Variants in NBEA observed in about 807,000 individuals in gnomAD.
NBEA encodes neurobeachin.
In NBEA, 44 loss-of-function variants were observed where a neutral mutation model predicts 343.4. The ratio of observed to expected loss-of-function variants is 0.13; its 90% CI spans 0.10 to 0.16. NBEA has a LOEUF of 0.16. Ranked by LOEUF, NBEA falls within the 10% of genes least tolerant of loss-of-function variation. The pLI is 1.00. For synonymous variants in NBEA, 1,175 were observed against 1,238.7 expected, an observed-to-expected ratio of 0.95 and a Z score of 1.08; for missense variants, 2,555 against 3,631.3, an observed-to-expected ratio of 0.70 and a Z score of 7.62.
Position 35,238,705 on chromosome 13 carries a change from C to T in NBEA, c.5776+6086C>T, listed in dbSNP as rs190173296. ...GGCTCTCCCTTTTAGGCTCTATATA[C>T]AAGTTGAAACATTTTAGAAAGAGAT... On this transcript the variant is annotated intron_variant, in intron 34 of 58. Coordinates refer to ENST00000379939, the MANE Select transcript of NBEA (RefSeq NM_001385012.1). Among the ~76,000 whole-genome samples, 230 of 152,180 alleles carry T rather than the reference C, an allele frequency of 1.5e-3. 1 individual carries two copies. The highest frequency in any genetic ancestry group is 5.4e-3 in the African/African-American group (224 of 41,512).
intron 39 of NBEA, among the ~76,000 whole-genome samples, chr13:35,444,472 C>T (rs1251168349): frequency 1.3e-5 from 2 of 151,864 alleles, no homozygotes; most frequent in Non-Finnish European, 2.9e-5. Context: ...TTTTATTCTA[C>T]TAAAAGAGTG....
chr13:35,553,327 C>T (rs976943263), intron 43 of NBEA, among the ~76,000 whole-genome samples: 1 of 152,096 alleles, frequency 6.6e-6, no homozygotes. Flanking sequence ...AAAAGCTCAA[C>T]TAATTATTAG....
chr13:35,648,615 C>A (rs1483328731), intron 51 of NBEA, among the ~76,000 whole-genome samples: 1 of 152,074 alleles, frequency 6.6e-6, no homozygotes, highest in Non-Finnish European at 1.5e-5. Flanking sequence ...TTTCTAAGTT[C>A]ATGTAGCAGA....
In NBEA at chr13:35,432,354, A is replaced by G; in HGVS notation, c.6265A>G (p.Thr2089Ala). ...ATTTGTTCGCAATGCATTTGGCTCC[A>G]CTCATGCTGAAGCATTGCTGAAAGC... ...RRFVRNAFGS[T>A]HAEALLKAAI... The change falls in exon 39 of 59, where the codon ACT becomes GCT. Residue 2089 changes from threonine (T) to alanine (A), a missense_variant. Transcript: ENST00000379939. 6.2e-7 allele frequency: 1 copy of G among 1,609,822 alleles called. No individual in the cohort carries two copies. Among genetic ancestry groups the G allele is most frequent in the Non-Finnish European group, 8.5e-7 (1 of 1,177,884 alleles).
At chr13:35,111,081 GTTTT>G (rs1408273479) in intron 13 of NBEA, 103 bp downstream of exon 13, 3 of 982,444 alleles carry the variant, frequency 3.1e-6, no homozygotes, top group Admixed American at 3.5e-5. Flanking sequence ...TCACTGAAAT[GTTTT>G]CTTTCTTATA....
intron 1 of NBEA, among the ~76,000 whole-genome samples, chr13:34,980,265 G>A (rs2060313269): frequency 6.6e-6 from 1 of 151,738 alleles, no homozygotes; most frequent in African/African-American, 2.4e-5. Flanking sequence ...TCCTGGGTAT[G>A]TTGAATACAT....
chr13:35,260,651 G>C (rs2033127468), intron 34 of NBEA, among the ~76,000 whole-genome samples: 1 of 152,198 alleles, frequency 6.6e-6, no homozygotes, highest in African/African-American at 2.4e-5. Context: ...TGAGAAATCT[G>C]CCTATAAGCC....
At chr13:35,661,485 T>C (rs1214532086) in intron 55 of NBEA, among the ~76,000 whole-genome samples, 1 of 152,184 alleles carries the variant, frequency 6.6e-6, no homozygotes, top group Non-Finnish European at 1.5e-5. Flanking sequence ...CATAAGGAAA[T>C]GAAACCACAT....
intron 55 of NBEA, among the ~76,000 whole-genome samples, chr13:35,661,780 C>A (rs991446934): frequency 1.3e-5 from 2 of 152,196 alleles, no homozygotes; most frequent in African/African-American, 4.8e-5. Flanking sequence ...GGGATTTTAA[C>A]TTTCAAAACT....
intron 17 of NBEA, among the ~76,000 whole-genome samples, chr13:35,124,627 T>TATATAC (rs2066993336): frequency 7.3e-6 from 1 of 136,556 alleles, no homozygotes; most frequent in Non-Finnish European, 1.7e-5. Context: ...TATATGGATA[T>TATATAC]ACATACACAC....
chr13:35,388,200 C>A (rs1325103929), intron 38 of NBEA, among the ~76,000 whole-genome samples: 1 of 152,000 alleles, frequency 6.6e-6, no homozygotes, highest in Non-Finnish European at 1.5e-5. Context: ...ATGGCCAAAT[C>A]TTATGTACTC....
intron 41 of NBEA, among the ~76,000 whole-genome samples, chr13:35,490,655 A>G (rs2076469677): frequency 6.6e-6 from 1 of 151,982 alleles, no homozygotes; most frequent in Non-Finnish European, 1.5e-5. Context: ...ACATCTTTAA[A>G]CAAGACAAAG....
intron 35 of NBEA, among the ~76,000 whole-genome samples, chr13:35,299,439 G>A (rs975036891): frequency 6.6e-6 from 1 of 152,102 alleles, no homozygotes; most frequent in African/African-American, 2.4e-5. Context: ...ACCATAAAGC[G>A]ATTGTGAAGA....
intron 24 of NBEA, among the ~76,000 whole-genome samples, chr13:35,165,447 A>C (rs2069935982): frequency 6.6e-6 from 1 of 152,172 alleles, no homozygotes; most frequent in Admixed American, 6.6e-5. Context: ...CAACAGAGCA[A>C]GTCACCAGTA....
At chr13:34,945,934 C>T (rs1200161363) in intron 1 of NBEA, among the ~76,000 whole-genome samples, 3 of 152,062 alleles carry the variant, frequency 2.0e-5, no homozygotes, top group Non-Finnish European at 4.4e-5. Context: ...GCTTTGTTTC[C>T]CAAAGGTCTA....
chr13:35,070,150 A>AC (rs1566237569), intron 9 of NBEA, 45 bp downstream of exon 9: 1 of 1,415,752 alleles, frequency 7.1e-7, no homozygotes. Context: ...TCAGAATTTG[A>AC]CAGTATCTTT....
intron 34 of NBEA, among the ~76,000 whole-genome samples, chr13:35,271,427 C>T (rs1219220013): frequency 6.6e-6 from 1 of 152,114 alleles, no homozygotes; most frequent in Non-Finnish European, 1.5e-5. Flanking sequence ...GCTGAAAATT[C>T]CAAAAATCAG....
chr13:35,131,049 A>G (rs1288189990), intron 17 of NBEA, among the ~76,000 whole-genome samples: 1 of 152,094 alleles, frequency 6.6e-6, no homozygotes, highest in African/African-American at 2.4e-5. Flanking sequence ...TCATTTTTCT[A>G]GGTTCTCGGT....
chr13:35,137,219 G>C (rs756418671), intron 17 of NBEA, among the ~76,000 whole-genome samples: 3 of 152,302 alleles, frequency 2.0e-5, no homozygotes, highest in Middle Eastern at 3.4e-3. Context: ...GGGAGGCTGA[G>C]ATGGGTGGAT....
Sources: gnomAD v4.1 joint callset for allele counts (sites outside exome capture counted in the v4.1 genomes callset) on GRCh38, gnomAD v4.1.1 for gene constraint, MANE v1.5 for transcripts, NCBI Gene and HGNC (gene_info 2026-07-23, HGNC 2026-07-21) for gene names.